The following CADM2 variants were observed in gnomAD, a reference collection of about 807,000 sequenced individuals.
The protein encoded by CADM2 is immunoglobulin superfamily member 4D.
In CADM2, 12 loss-of-function variants were observed where a neutral mutation model predicts 49.8. That is an observed-to-expected ratio of 0.24 (90% CI 0.15 to 0.39). CADM2 has a LOEUF of 0.39. Among genes scored for constraint, CADM2 ranks in the 10% least tolerant of loss-of-function variants. CADM2 has a pLI of 1.00. For missense variants in CADM2, 378 were observed against 492.3 expected, an observed-to-expected ratio of 0.77 and a Z score of 2.20; for synonymous variants, 214 against 175.4, an observed-to-expected ratio of 1.22 and a Z score of -1.74.
intron 3 of CADM2, among the ~76,000 whole-genome samples, chr3:85,875,043 C>G (rs982275263): frequency 2.0e-5 from 3 of 152,138 alleles, no homozygotes; most frequent in South Asian, 2.1e-4. Flanking sequence ...TATTTTAAAA[C>G]TCCATTTACT....
At chr3:85,194,647 G>T (rs2123163) in intron 1 of CADM2, among the ~76,000 whole-genome samples, 7,038 of 152,036 alleles carry the variant, frequency 0.046, 266 homozygotes, top group Non-Finnish European at 0.059. Flanking sequence ...TAAGAATCTA[G>T]GTCATAGAAT....
At chr3:85,222,748 T>G (rs921999407) in intron 1 of CADM2, among the ~76,000 whole-genome samples, 1 of 152,180 alleles carries the variant, frequency 6.6e-6, no homozygotes, top group Non-Finnish European at 1.5e-5. Context: ...ATTTAACATA[T>G]TGCTTATATA....
In CADM2 at chr3:85,541,766, T is replaced by TA. The variant is rs1320626148; in HGVS notation, c.62-184756_62-184755insA. Among the ~76,000 whole-genome samples, 110 of 15,144 alleles carry TA rather than the reference T, an allele frequency of 7.3e-3. 1 individual carries two copies. Among genetic ancestry groups the TA allele is most frequent in the Admixed American group, 0.046 (34 of 744 alleles). The allele number at this position is 15,144 out of a possible 152,430, so 9.9% of individuals were successfully genotyped here. ...ATATTTTATATATTTTATATATATA[T>TA]TTTATATTTTATATATATATATATA... On this transcript the variant is annotated intron_variant, in intron 1 of 9. Transcript: ENST00000383699.
chr3:85,045,216 G>A (rs1301974597), intron 1 of CADM2, among the ~76,000 whole-genome samples: 2 of 152,140 alleles, frequency 1.3e-5, no homozygotes, highest in African/African-American at 4.8e-5. Context: ...TGCTATTAAT[G>A]TGGCGCAAGA....
intron 1 of CADM2, among the ~76,000 whole-genome samples, chr3:85,371,654 T>TAG (rs1340635659): frequency 2.3e-5 from 1 of 42,888 alleles, no homozygotes; most frequent in African/African-American, 6.7e-5. Context: ...CATGGGGATA[T>TAG]ATATATATGT....
chr3:85,444,022 G>C (rs956671496), intron 1 of CADM2, among the ~76,000 whole-genome samples: 1 of 152,024 alleles, frequency 6.6e-6, no homozygotes, highest in African/African-American at 2.4e-5. Flanking sequence ...GATTTCAGCT[G>C]TCCAGTTGCT....
chr3:85,271,391 C>A (rs1304028982), intron 1 of CADM2, among the ~76,000 whole-genome samples: 1 of 151,182 alleles, frequency 6.6e-6, no homozygotes, highest in Non-Finnish European at 1.5e-5. Context: ...ACACAGAAAT[C>A]TGATTCAATA....
At chr3:85,778,130 G>T (rs527236614) in intron 2 of CADM2, among the ~76,000 whole-genome samples, 1 of 151,928 alleles carries the variant, frequency 6.6e-6, no homozygotes, top group Non-Finnish European at 1.5e-5. Flanking sequence ...ATGTTTAGGG[G>T]GAATAAAGAT....
chr3:85,102,918 C>T (rs934889103), intron 1 of CADM2, among the ~76,000 whole-genome samples: 3 of 152,004 alleles, frequency 2.0e-5, no homozygotes, highest in African/African-American at 7.2e-5. Context: ...GTTCACAGGC[C>T]TTGTGAGTCA....
At chr3:85,489,339 G>C (rs2039562966) in intron 1 of CADM2, among the ~76,000 whole-genome samples, 2 of 152,066 alleles carry the variant, frequency 1.3e-5, no homozygotes, top group Admixed American at 1.3e-4. Flanking sequence ...AGAATTCATT[G>C]ATTTATATTA....
intron 5 of CADM2, among the ~76,000 whole-genome samples, chr3:85,908,868 G>C (rs1010350919): frequency 6.6e-6 from 1 of 151,870 alleles, no homozygotes; most frequent in African/African-American, 2.4e-5. Context: ...GGGACTACAG[G>C]CACCCGCCAC....
Position 85,341,754 on chromosome 3 carries a change from A to C in CADM2, c.61+382086A>C, listed in dbSNP as rs561316465. On this transcript the variant is annotated intron_variant, in intron 1 of 9. Transcript: ENST00000383699. ...TGCAATGACTTCAAAAGACAGATAA[A>C]TATGGAAGTTAATATAAAGATTTAA... Among the ~76,000 whole-genome samples the C allele has an allele frequency of 6.6e-5, 10 of 152,164 alleles. No individual in the cohort carries two copies. In the East Asian group the frequency reaches 1.9e-3, roughly 29 times the overall value.
In CADM2 at chr3:85,249,630, G is replaced by A. The variant is rs191758781; in HGVS notation, c.61+289962G>A. ...TTCCTTTGTTTATTGGGAAAAATAT[G>A]TGACACATTTAAAACTAAAATAATT... On this transcript the variant is annotated intron_variant, in intron 1 of 9. Transcript: ENST00000383699. Among the ~76,000 whole-genome samples, 276 of 152,014 alleles carry A rather than the reference G, an allele frequency of 1.8e-3. 1 individual carries two copies. The highest frequency in any genetic ancestry group is 4.3e-3 in the Admixed American group (65 of 15,252).
At chr3:85,400,714 T>TAC (rs2035063125) in intron 1 of CADM2, among the ~76,000 whole-genome samples, 1 of 36,888 alleles carries the variant, frequency 2.7e-5, no homozygotes, top group Admixed American at 3.7e-4. Flanking sequence ...CAGTTTCTTC[T>TAC]AGTTTCTAGT....
chr3:85,667,921 T>C (rs188727124), intron 1 of CADM2, among the ~76,000 whole-genome samples: 30 of 152,148 alleles, frequency 2.0e-4, no homozygotes, highest in Non-Finnish European at 1.0e-4. Flanking sequence ...AGCACCTTGG[T>C]AAATAATTAT....
intron 2 of CADM2, among the ~76,000 whole-genome samples, chr3:85,748,293 A>G (rs1057342854): frequency 6.6e-6 from 1 of 151,992 alleles, no homozygotes; most frequent in Non-Finnish European, 1.5e-5. Flanking sequence ...GTTCATTTAT[A>G]TTCTTCTTAT....
chr3:86,071,061 T>C lies in CADM2; in HGVS notation c.*4278T>C, dbSNP rs1278008910. 1 of 151,838 alleles carries C rather than the reference T, an allele frequency of 6.6e-6. No individual in the cohort carries two copies. Among genetic ancestry groups the C allele is most frequent in the Admixed American group, 6.6e-5 (1 of 15,236 alleles). 9.4% of individuals were successfully genotyped at this position (151,838 alleles called of 1,614,324 possible). On this transcript the variant is annotated 3_prime_UTR_variant, in exon 10 of 10. Coordinates refer to ENST00000383699, the MANE Select transcript of CADM2 (RefSeq NM_001167675.2). The stretch of plus-strand genomic sequence containing the variant: ...ACAACTAATTCAAGGACAAGTTAAG[T>C]TTTTCTTATTAATGTGACACAGTAA...
chr3:85,761,809 G>C, intron 2 of CADM2, among the ~76,000 whole-genome samples: 1 of 152,178 alleles, frequency 6.6e-6, no homozygotes, highest in East Asian at 1.9e-4. Flanking sequence ...AGCAGGCTTA[G>C]AGTGCTTATG....
intron 1 of CADM2, among the ~76,000 whole-genome samples, chr3:85,717,920 A>G (rs766977932): frequency 2.6e-5 from 4 of 152,230 alleles, no homozygotes; most frequent in Admixed American, 6.5e-5. Flanking sequence ...GGCACCTGCC[A>G]CCACGCCTGG....
Sources: allele counts gnomAD v4.1 joint callset (sites outside exome capture counted in the v4.1 genomes callset), GRCh38; gene constraint gnomAD v4.1.1; transcripts MANE v1.5; gene names NCBI Gene and HGNC (gene_info 2026-07-23, HGNC 2026-07-21).